Variants in SEC31A observed in about 807,000 individuals in gnomAD.
SEC31A encodes SEC31 homolog A, COPII component, also known as protein transport protein Sec31A.
SEC31A carries 70 observed loss-of-function variants against 151.0 expected under a neutral mutation model. The observed-to-expected ratio is 0.46, with a 90% confidence interval of 0.38 to 0.57. SEC31A has a LOEUF of 0.57. SEC31A is among the 20% of genes least tolerant of loss of function. SEC31A has a pLI of 0.00. For missense variants in SEC31A, 1,330 were observed against 1,471.2 expected, an observed-to-expected ratio of 0.90 and a Z score of 1.57; for synonymous variants, 475 against 505.9, an observed-to-expected ratio of 0.94 and a Z score of 0.82.
At chr4:82,868,058 AG>A (rs1735794299) in intron 8 of SEC31A, among the ~76,000 whole-genome samples, 1 of 152,260 alleles carries the variant, frequency 6.6e-6, no homozygotes, top group Non-Finnish European at 1.5e-5. Flanking sequence ...AATCTTGAGA[AG>A]GAAGAATTCA....
chr4:82,879,664 G>A (rs17352142), intron 3 of SEC31A, among the ~76,000 whole-genome samples: 68,489 of 151,994 alleles, frequency 0.45, 18,124 homozygotes, highest in Admixed American at 0.6. Flanking sequence ...GAATATGAGC[G>A]GTCCCATGAA....
intron 3 of SEC31A, among the ~76,000 whole-genome samples, chr4:82,896,941 CA>C (rs1039131529): frequency 2.6e-5 from 4 of 152,086 alleles, no homozygotes; most frequent in Non-Finnish European, 5.9e-5. Flanking sequence ...CTGCTGCTTC[CA>C]CCCCCACCTC....
intron 3 of SEC31A, 38 bp downstream of exon 3, chr4:82,880,761 A>T (rs926257094): frequency 9.6e-6 from 15 of 1,557,954 alleles, no homozygotes; most frequent in Non-Finnish European, 1.1e-5. Context: ...ACAATATATA[A>T]TTAAATAATC....
In SEC31A at chr4:82,857,746, CT is replaced by C; in HGVS notation, c.1644del (p.Glu549LysfsTer24). 3 of 1,598,722 alleles carry C rather than the reference CT, an allele frequency of 1.9e-6. No individual in the cohort carries two copies. Among genetic ancestry groups the C allele is most frequent in the Non-Finnish European group, 8.6e-7 (1 of 1,166,662 alleles). ...QLLGEHIKEE[K>X]EESEFLPSSG... ...GATGAGGGTAGAAATTCAGATTCTT[CT>C]TTTTCCTCTTTAATGTGCTAAAGAG... On this transcript the variant is annotated frameshift_variant, in exon 15 of 27. Coordinates refer to ENST00000395310, the MANE Select transcript of SEC31A (RefSeq NM_001077207.4). LOFTEE classifies it high-confidence loss of function.
At chr4:82,883,139 T>C (rs1046122061) in intron 1 of SEC31A, among the ~76,000 whole-genome samples, 5 of 152,296 alleles carry the variant, frequency 3.3e-5, no homozygotes, top group Non-Finnish European at 7.3e-5. Flanking sequence ...GTTACTTTGA[T>C]GGAAAAATTA....
intron 1 of SEC31A, among the ~76,000 whole-genome samples, chr4:82,890,212 A>G: frequency 6.6e-6 from 1 of 151,526 alleles, no homozygotes; most frequent in East Asian, 1.9e-4. Flanking sequence ...AAAAAAAAAA[A>G]AAAAAAAAAA....
At chr4:82,855,164 C>T in intron 16 of SEC31A, 135 bp from the exon 17 acceptor site, 1 of 698,548 alleles carries the variant, frequency 1.4e-6, no homozygotes, top group Admixed American at 3.4e-5. Flanking sequence ...AATCAAATGA[C>T]ATAATAATGG....
At chr4:82,891,899 A>G (rs990115282), upstream of SEC31A, among the ~76,000 whole-genome samples, 2 of 152,340 alleles carry the variant, frequency 1.3e-5, no homozygotes, top group Non-Finnish European at 2.9e-5. Flanking sequence ...AAGCCAAAGG[A>G]AAATCACTTG....
At position 82,854,945 on chromosome 4, in the gene SEC31A, C is replaced by A; in HGVS notation, c.1966G>T (p.Val656Leu). The A allele has an allele frequency of 6.2e-7, 1 of 1,613,934 alleles. No homozygotes were observed. Among genetic ancestry groups the A allele is most frequent in the Non-Finnish European group, 8.5e-7 (1 of 1,179,934 alleles). ...TCATCCGGCTTTGCATAAGTCAATACTGCAGCTAAAGCCTCTCTCCAATTT... is the reference window on the plus strand; with the variant it reads ...TCATCCGGCTTTGCATAAGTCAATAATGCAGCTAAAGCCTCTCTCCAATTT... ...LKNWREALAA[V>L]LTYAKPDEFS... Residue 656 changes from valine (V) to leucine (L), a missense_variant, in exon 17 of 27, where the codon GTA becomes TTA. Coordinates refer to ENST00000395310, the MANE Select transcript of SEC31A (RefSeq NM_001077207.4).
At chr4:82,840,845 T>C (rs930867482) in intron 22 of SEC31A, among the ~76,000 whole-genome samples, 5 of 152,148 alleles carry the variant, frequency 3.3e-5, no homozygotes, top group South Asian at 2.1e-4. Context: ...TATACCTGTA[T>C]AGGGCACTCA....
chr4:82,854,958 C>T lies in SEC31A; in HGVS notation c.1953G>A (p.Glu651=), dbSNP rs751869201. 2 of 1,613,724 alleles carry T rather than the reference C, an allele frequency of 1.2e-6. No individual in the cohort carries two copies. Among genetic ancestry groups the T allele is most frequent in the African/African-American group, 1.3e-5 (1 of 74,882 alleles). ...VESCDLKNWR[E]ALAAVLTYAK... ...CATAAGTCAATACTGCAGCTAAAGC[C>T]TCTCTCCAATTTTTAAGATCACAAG... The change falls in exon 17 of 27, where the codon GAG becomes GAA. Residue 651 remains glutamate (E), a synonymous_variant. Transcript: ENST00000395310.
At chr4:82,841,419 T>A (rs1422143864) in intron 22 of SEC31A, among the ~76,000 whole-genome samples, 2 of 97,880 alleles carry the variant, frequency 2.0e-5, no homozygotes, top group Non-Finnish European at 4.9e-5. Context: ...TGAGACTCCA[T>A]CTCAAAAAAG....
chr4:82,863,276 G>T, intron 12 of SEC31A, 42 bp downstream of exon 12: 2 of 1,071,532 alleles, frequency 1.9e-6, no homozygotes, highest in South Asian at 1.4e-5. Context: ...TTAAAAGTAT[G>T]ATTCATAAAG....
rs112760818 is a variant in SEC31A, at chr4:82,857,806, T to C, written c.1627-42A>G. 1.1e-3 allele frequency: 1,440 copies of C among 1,280,792 alleles called. 19 individuals carry two copies. In the African/African-American group the frequency reaches 0.019, roughly 17 times the overall value. 79.3% of individuals were successfully genotyped at this position (1,280,792 alleles called of 1,614,324 possible). On this transcript the variant is annotated intron_variant, in intron 14 of 26. Transcript: ENST00000395310. ...AGCAACAATTTAGCCAGAATAAAAC[T>C]GTGGAATGATTTACTGACAAAAAAA...
chr4:82,842,449 T>C lies in SEC31A; in HGVS notation c.2659A>G (p.Thr887Ala), dbSNP rs760000950. The C allele has an allele frequency of 6.2e-7, 1 of 1,613,468 alleles. No individual in the cohort carries two copies. Among genetic ancestry groups the C allele is most frequent in the Non-Finnish European group, 8.5e-7 (1 of 1,179,758 alleles). The change falls in exon 22 of 27, where the codon ACA (threonine) becomes GCA (alanine). Residue 887 changes from threonine to alanine, a missense_variant. By Grantham distance (58) the Thr-to-Ala change is moderately conservative. Transcript: ENST00000395310. Reference sequence around the variant, plus strand: ...GGTCGATACATTGCTGACCCCCCTGTTCCGAAGGGATACGGCTGGGCTGGT... The same window carrying C: ...GGTCGATACATTGCTGACCCCCCTGCTCCGAAGGGATACGGCTGGGCTGGT... ...YQPAQPYPFG[T>A]GGSAMYRPQQ...
Position 82,821,098 on chromosome 4 carries a change from C to T in SEC31A, c.3422G>A (p.Arg1141Lys), listed in dbSNP as rs1723203587. 6.2e-7 allele frequency: 1 copy of T among 1,613,702 alleles called. No homozygotes were observed. Among genetic ancestry groups the T allele is most frequent in the Admixed American group, 1.7e-5 (1 of 59,998 alleles). Residue 1141 changes from arginine (R) to lysine (K), a missense_variant, in exon 26 of 27, where the codon AGG (arginine) becomes AAG (lysine). Coordinates refer to ENST00000395310, the MANE Select transcript of SEC31A (RefSeq NM_001077207.4). ...ACGTTTGCTGGCATCATCTAGCTTC[C>T]TCTTGGTTTGCTGCAGGAAAGAAAA... is the stretch of plus-strand genomic sequence containing the variant. ...LSSATDPQTK[R>K]KLDDASKRLE...
intron 16 of SEC31A, 28 bp from the exon 17 acceptor site, chr4:82,855,057 TAA>T (rs769104601): frequency 8.9e-5 from 140 of 1,572,390 alleles, no homozygotes; most frequent in Admixed American, 6.7e-4. Context: ...AAGGAAGAAT[TAA>T]AAGTCTTTAA....
chr4:82,862,508 G>T, intron 13 of SEC31A, 26 bp downstream of exon 13: 2 of 1,597,244 alleles, frequency 1.3e-6, no homozygotes, highest in Non-Finnish European at 8.6e-7. Flanking sequence ...GTTTTAGAAG[G>T]TAGCTATTTT....
chr4:82,833,534 A>T (rs1194786850), intron 22 of SEC31A, among the ~76,000 whole-genome samples: 3 of 24,168 alleles, frequency 1.2e-4, no homozygotes, highest in Non-Finnish European at 4.2e-4. Flanking sequence ...TTAAATTATA[A>T]AAAAAAAAAA....
Sources: gnomAD v4.1 joint callset for allele counts (sites outside exome capture counted in the v4.1 genomes callset) on GRCh38, gnomAD v4.1.1 for gene constraint, MANE v1.5 for transcripts, NCBI Gene and HGNC (gene_info 2026-07-23, HGNC 2026-07-21) for gene names.